Variants in DNAH8 observed in about 807,000 individuals in gnomAD.
The protein encoded by DNAH8 is axonemal beta dynein heavy chain 8.
DNAH8 carries 382 observed loss-of-function variants against 562.1 expected under a neutral mutation model. That is an observed-to-expected ratio of 0.68 (90% CI 0.63 to 0.74). The LOEUF (loss-of-function observed/expected upper bound fraction) is 0.74. DNAH8 is among the 30% of genes least tolerant of loss of function. DNAH8 has a pLI of 0.00. For synonymous variants in DNAH8, 1,881 were observed against 1,919.4 expected (o/e 0.98, Z 0.52); for missense variants, 5,203 against 5,620.4 (o/e 0.93, Z 2.37).
rs1778626089 is a variant in DNAH8, at chr6:38,883,015, C to T, written c.7964C>T (p.Thr2655Ile). The change falls in exon 54 of 93, where the codon ACA becomes ATA. Residue 2655 changes from threonine to isoleucine, a missense_variant. This residue lies in a region of DNAH8 where 977 missense variants were observed against 1,061.8 expected (regional missense o/e 0.92). Transcript: ENST00000327475. ...ILVPNVDNIR[T>I]NFLIDTIAKQ... ...GTTCCAAATGTTGACAATATTAGAA[C>T]AAATTTTTTGATAGACACCATTGCA... 11 of 1,601,660 alleles carry T rather than the reference C, an allele frequency of 6.9e-6. No homozygotes were observed. Among genetic ancestry groups the T allele is most frequent in the Non-Finnish European group, 9.4e-6 (11 of 1,175,934 alleles).
At chr6:38,861,270 C>T (rs150020165) in intron 43 of DNAH8, among the ~76,000 whole-genome samples, 3 of 152,156 alleles carry the variant, frequency 2.0e-5, no homozygotes, top group South Asian at 2.1e-4. Flanking sequence ...TTTATTGAAC[C>T]TATCCCTTTT....
intron 91 of DNAH8, among the ~76,000 whole-genome samples, chr6:39,015,838 T>C (rs996726385): frequency 2.0e-5 from 3 of 152,234 alleles, no homozygotes; most frequent in African/African-American, 7.2e-5. Context: ...CTCCATGTCT[T>C]GGAAAGCCCT....
chr6:38,738,664 A>T (rs1764296021), intron 7 of DNAH8, among the ~76,000 whole-genome samples: 6 of 152,184 alleles, frequency 3.9e-5, no homozygotes, highest in Non-Finnish European at 5.9e-5. Context: ...ATCAAGGGGA[A>T]AAAATCTTGA....
At chr6:38,917,851 A>G in intron 69 of DNAH8, 74 bp from the exon 70 acceptor site, 1 of 1,152,456 alleles carries the variant, frequency 8.7e-7, no homozygotes, top group South Asian at 1.6e-5. Flanking sequence ...AGAAAATTCA[A>G]TTTAGAAGTA....
At chr6:38,909,847 C>A in intron 65 of DNAH8, 103 bp downstream of exon 65, 3 of 914,518 alleles carry the variant, frequency 3.3e-6, no homozygotes, top group Non-Finnish European at 3.3e-6. Flanking sequence ...ATTCATTGAG[C>A]ACGAGCTGTA....
At chr6:38,932,217 C>CACACACACACA (rs1554138852) in intron 76 of DNAH8, among the ~76,000 whole-genome samples, 45 of 122,648 alleles carry the variant, frequency 3.7e-4, no homozygotes, top group South Asian at 9.2e-4. Context: ...CACACACACA[C>CACACACACACA]CCGTCTCTTT....
At chr6:38,877,578 G>A (rs1190928972) in intron 53 of DNAH8, among the ~76,000 whole-genome samples, 2 of 152,070 alleles carry the variant, frequency 1.3e-5, no homozygotes, top group Non-Finnish European at 2.9e-5. Flanking sequence ...GAGCCTTTGT[G>A]GCCACGAAAT....
intron 89 of DNAH8, among the ~76,000 whole-genome samples, chr6:39,011,755 T>C (rs1766226559): frequency 6.6e-6 from 1 of 152,250 alleles, no homozygotes; most frequent in Non-Finnish European, 1.5e-5. Flanking sequence ...TTGGAAACTA[T>C]AGCTAATCAT....
chr6:38,847,966 C>G (rs1023618165), intron 36 of DNAH8, among the ~76,000 whole-genome samples: 4 of 152,130 alleles, frequency 2.6e-5, no homozygotes, highest in African/African-American at 9.7e-5. Context: ...CCCTGGGTCT[C>G]TAGCTCTGCA....
At chr6:38,795,137 C>T (rs1242622941) in intron 21 of DNAH8, among the ~76,000 whole-genome samples, 2 of 152,114 alleles carry the variant, frequency 1.3e-5, no homozygotes, top group South Asian at 2.1e-4. Flanking sequence ...ACCATTTTAA[C>T]CATTTTAAGT....
Position 38,783,134 on chromosome 6 carries a change from A to G in DNAH8, c.2390A>G (p.His797Arg), listed in dbSNP as rs940191116. ...TAWIREISQL[H>R]YALQATLFVR... ...TGGATCAGAGAGATTTCACAGTTGC[A>G]TTACGGTGTGTATAACACTGCCATG... The change falls in exon 17 of 93, where the codon CAT (histidine) becomes CGT (arginine). Residue 797 changes from histidine to arginine, a missense_variant. Transcript: ENST00000327475. 6.2e-7 allele frequency: 1 copy of G among 1,613,948 alleles called. No individual in the cohort carries two copies. The highest frequency in any genetic ancestry group is 8.5e-7 in the Non-Finnish European group (1 of 1,179,868).
chr6:38,991,585 A>G (rs1764791679), intron 88 of DNAH8, among the ~76,000 whole-genome samples: 1 of 152,128 alleles, frequency 6.6e-6, no homozygotes, highest in Non-Finnish European at 1.5e-5. Context: ...AAGGTCAAAG[A>G]CCGACAGTGA....
Position 38,896,208 on chromosome 6 carries a change from C to T in DNAH8, c.8923C>T (p.Pro2975Ser). ...ACCTGAAGACTCTGTGTTTGAAGTACCCAAAATATATGAATTGGTATTTAT... is the reference window on the plus strand; with the variant it reads ...ACCTGAAGACTCTGTGTTTGAAGTATCCAAAATATATGAATTGGTATTTAT... ...DEPEDSVFEV[P>S]KIYELMPSFD... The change falls in exon 60 of 93, where the codon CCC becomes TCC. Residue 2975 changes from proline to serine, a missense_variant. By Grantham distance (74) the Pro-to-Ser change is moderately conservative (BLOSUM62 -1). Coordinates refer to ENST00000327475, the MANE Select transcript of DNAH8 (RefSeq NM_001206927.2). The T allele has an allele frequency of 6.2e-7, 1 of 1,613,168 alleles. No individual in the cohort carries two copies. Among genetic ancestry groups the T allele is most frequent in the African/African-American group, 1.3e-5 (1 of 74,922 alleles).
chr6:38,721,531 A>C (rs28698353), intron 1 of DNAH8, among the ~76,000 whole-genome samples: 2 of 138,712 alleles, frequency 1.4e-5, no homozygotes, highest in South Asian at 5.0e-4. Context: ...GAGAGAGAGG[A>C]GAGAGAAAGA....
Position 38,906,243 on chromosome 6 carries a change from T to G in DNAH8, c.9195-11T>G, listed in dbSNP as rs756615524. 1 of 1,541,166 alleles carries G rather than the reference T, an allele frequency of 6.5e-7. No homozygotes were observed. Among genetic ancestry groups the G allele is most frequent in the Non-Finnish European group, 8.8e-7 (1 of 1,130,632 alleles). On this transcript the variant is annotated splice_polypyrimidine_tract_variant and intron_variant, in intron 62 of 92. Coordinates refer to ENST00000327475, the MANE Select transcript of DNAH8 (RefSeq NM_001206927.2). The stretch of plus-strand genomic sequence containing the variant: ...TTTTAATCTAAAACTTTCTATCATT[T>G]TTCTTCTTAGGTCTTACAATGTGAC...
intron 57 of DNAH8, among the ~76,000 whole-genome samples, 154 bp downstream of exon 57, chr6:38,887,158 G>A (rs1778990338): frequency 6.6e-6 from 1 of 152,106 alleles, no homozygotes; most frequent in African/African-American, 2.4e-5. Flanking sequence ...AAATACTAAG[G>A]TGACCTATGC....
At chr6:38,807,558 T>G (rs1162714453) in intron 23 of DNAH8, 52 bp from the exon 24 acceptor site, 1 of 949,580 alleles carries the variant, frequency 1.1e-6, no homozygotes, top group African/African-American at 1.7e-5. Context: ...TTGGGGATGC[T>G]CTAGGTTTTT....
chr6:38,791,553 A>G lies in DNAH8; in HGVS notation c.2782-2A>G, dbSNP rs761794931. 1.1e-5 allele frequency: 18 copies of G among 1,605,966 alleles called. No individual in the cohort carries two copies. The highest frequency in any genetic ancestry group is 1.5e-5 in the Non-Finnish European group (18 of 1,178,096). ...TTTTTCTTACATTTTTCTTCCTTGT[A>G]GATCAGTGACTTGTGTGAAATGCAT... On this transcript the variant is annotated splice_acceptor_variant, in intron 20 of 92. Transcript: ENST00000327475. LOFTEE classifies it high-confidence loss of function.
intron 9 of DNAH8, among the ~76,000 whole-genome samples, chr6:38,754,583 T>C (rs1407069463): frequency 1.3e-5 from 2 of 152,130 alleles, no homozygotes; most frequent in Non-Finnish European, 2.9e-5. Flanking sequence ...ATATATTTTA[T>C]CTTGTCTTAT....
Sources: allele counts gnomAD v4.1 joint callset (sites outside exome capture counted in the v4.1 genomes callset), GRCh38; gene constraint gnomAD v4.1.1; regional missense constraint gnomAD v4.1.1; transcripts MANE v1.5; gene names NCBI Gene and HGNC (gene_info 2026-07-23, HGNC 2026-07-21).